The following PCNX2 variants were observed in gnomAD, a reference collection of about 807,000 sequenced individuals.
The protein encoded by PCNX2 is pecanex-like protein 2.
PCNX2 carries 168 observed loss-of-function variants against 223.8 expected under a neutral mutation model. That is an observed-to-expected ratio of 0.75 (90% CI 0.66 to 0.85). The LOEUF is 0.85. Among genes scored for constraint, PCNX2 ranks in the 40% least tolerant of loss-of-function variants. The pLI is 0.00. For missense variants in PCNX2, 2,507 were observed against 2,675.5 expected, an observed-to-expected ratio of 0.94 and a Z score of 1.39; for synonymous variants, 1,006 against 1,052.6, an observed-to-expected ratio of 0.96 and a Z score of 0.86.
At chr1:233,054,569 T>A in intron 24 of PCNX2, 86 bp from the exon 25 acceptor site, 2 of 1,100,196 alleles carry the variant, frequency 1.8e-6, no homozygotes, top group Non-Finnish European at 2.6e-6. Context: ...GTCATCTGAT[T>A]AAGGGTAAAA....
intron 28 of PCNX2, among the ~76,000 whole-genome samples, chr1:233,008,124 C>T (rs1195427588): frequency 6.6e-6 from 1 of 152,132 alleles, no homozygotes; most frequent in Non-Finnish European, 1.5e-5. Flanking sequence ...GTATGTATAC[C>T]CTGCACAGAC....
chr1:233,108,462 T>A (rs1674930146), intron 21 of PCNX2, among the ~76,000 whole-genome samples: 1 of 152,156 alleles, frequency 6.6e-6, no homozygotes, highest in African/African-American at 2.4e-5. Context: ...GGTGGGACAG[T>A]GTAAAGCCTT....
intron 21 of PCNX2, among the ~76,000 whole-genome samples, chr1:233,132,857 G>C (rs1004553880): frequency 2.0e-5 from 3 of 149,916 alleles, no homozygotes; most frequent in Admixed American, 6.6e-5. Context: ...AATAATGCCT[G>C]AGTCAGGATT....
chr1:233,136,344 T>A (rs1676799094), intron 20 of PCNX2, among the ~76,000 whole-genome samples: 1 of 152,180 alleles, frequency 6.6e-6, no homozygotes, highest in Non-Finnish European at 1.5e-5. Flanking sequence ...CTTATCAGCA[T>A]TATGAATATC....
At chr1:233,018,712 G>A in intron 26 of PCNX2, 1 of 960,400 alleles carries the variant, frequency 1.0e-6, no homozygotes, top group Non-Finnish European at 1.2e-6. Flanking sequence ...AATGCAGGTG[G>A]TGCTCCAGGC....
chr1:233,122,635 T>C (rs1041109532), intron 21 of PCNX2, among the ~76,000 whole-genome samples: 1 of 152,024 alleles, frequency 6.6e-6, no homozygotes, highest in Admixed American at 6.6e-5. Context: ...GCAATCCTCC[T>C]GCCTCAGCCT....
At chr1:233,013,307 CT>C (rs374987550) in intron 28 of PCNX2, among the ~76,000 whole-genome samples, 111 of 152,292 alleles carry the variant, frequency 7.3e-4, no homozygotes, top group African/African-American at 2.6e-3. Context: ...TTACTTGTCC[CT>C]CTTGGTGACT....
intron 21 of PCNX2, among the ~76,000 whole-genome samples, chr1:233,129,405 G>A (rs933906626): frequency 1.4e-4 from 22 of 152,180 alleles, no homozygotes; most frequent in African/African-American, 4.3e-4. Context: ...GCCCCGCCGC[G>A]GTGGGCTCCT....
At chr1:233,312,660 A>G in the PCNX2 span, among the ~76,000 whole-genome samples, 3 of 152,226 alleles carry the variant, frequency 2.0e-5, no homozygotes, top group Non-Finnish European at 4.4e-5. Flanking sequence ...ATAAAAATCC[A>G]TAACTACACT....
chr1:233,235,291 T>C (rs1367890019), intron 9 of PCNX2, among the ~76,000 whole-genome samples: 1 of 152,144 alleles, frequency 6.6e-6, no homozygotes, highest in Non-Finnish European at 1.5e-5. Flanking sequence ...AATTAGCACT[T>C]TTTTTGTTTG....
intron 10 of PCNX2, among the ~76,000 whole-genome samples, chr1:233,223,478 A>T (rs1412586504): frequency 6.6e-6 from 1 of 152,098 alleles, no homozygotes; most frequent in East Asian, 1.9e-4. Context: ...AAGTTCTGGG[A>T]TACATGTGCA....
intron 28 of PCNX2, among the ~76,000 whole-genome samples, chr1:233,002,153 T>C (rs1670111660): frequency 6.6e-6 from 1 of 152,136 alleles, no homozygotes; most frequent in Non-Finnish European, 1.5e-5. Flanking sequence ...TCAACCACAA[T>C]ATGGAGAGAG....
intron 21 of PCNX2, among the ~76,000 whole-genome samples, chr1:233,101,080 C>A (rs1571868918): frequency 6.6e-6 from 1 of 152,096 alleles, no homozygotes; most frequent in African/African-American, 2.4e-5. Flanking sequence ...TGGAAAGGAG[C>A]AGACAAGATG....
intron 30 of PCNX2, 161 bp from the exon 31 acceptor site, chr1:232,999,540 G>A (rs1475742433): frequency 2.3e-5 from 17 of 755,102 alleles, no homozygotes; most frequent in African/African-American, 9.2e-5. Flanking sequence ...TGCAACCTCC[G>A]CCTCCCGGAT....
intron 19 of PCNX2, among the ~76,000 whole-genome samples, chr1:233,154,384 T>C (rs1677991504): frequency 6.6e-6 from 1 of 152,220 alleles, no homozygotes; most frequent in Non-Finnish European, 1.5e-5. Context: ...CCGGCCTATG[T>C]GTTTTATAAT....
intron 25 of PCNX2, chr1:233,031,677 C>T: frequency 1.1e-6 from 1 of 917,494 alleles, no homozygotes; most frequent in Non-Finnish European, 1.3e-6. Context: ...AAAAGCCCAG[C>T]CGGCTGCATT....
At chr1:233,266,696 T>C (rs1660348771) in intron 1 of PCNX2, among the ~76,000 whole-genome samples, 2 of 152,240 alleles carry the variant, frequency 1.3e-5, no homozygotes, top group African/African-American at 4.8e-5. Flanking sequence ...ATAGCCGTTT[T>C]CTTGTTCTAA....
Position 232,986,152 on chromosome 1 carries a change from T to A in PCNX2, c.6180A>T (p.Ser2060=), listed in dbSNP as rs61741004. Residue 2060 remains serine, a synonymous_variant, in exon 33 of 34, where the codon TCA becomes TCT. Coordinates refer to ENST00000258229, the MANE Select transcript of PCNX2 (RefSeq NM_014801.4). The part of the protein sequence containing the change: ...AEGGNTSDTQ[S]SSSVNIVMGP... ...CCATCACGATGTTGACGCTGCTGGA[T>A]GACTGGGTGTCACTGGTATTGCCCC... 1.7e-3 allele frequency: 2,616 copies of A among 1,570,334 alleles called. 39 individuals carry two copies. The African/African-American group carries it at 0.027, about 16-fold the overall frequency.
intron 32 of PCNX2, among the ~76,000 whole-genome samples, chr1:232,986,866 C>T (rs1172394610): frequency 2.0e-5 from 3 of 152,224 alleles, no homozygotes; most frequent in Non-Finnish European, 2.9e-5. Flanking sequence ...AAAAGTCCCA[C>T]ATGCCTGGAA....
Sources: allele counts gnomAD v4.1 joint callset (sites outside exome capture counted in the v4.1 genomes callset), GRCh38; gene constraint gnomAD v4.1.1; transcripts MANE v1.5; gene names NCBI Gene and HGNC (gene_info 2026-07-23, HGNC 2026-07-21).